LDOC1: variants seen among roughly 807,000 people sequenced by gnomAD.
The protein encoded by LDOC1 is protein LDOC1.
Under a neutral mutation model 4.9 loss-of-function variants are expected in LDOC1, and 1 was observed. That is an observed-to-expected ratio of 0.20 (90% confidence interval 0.07 to 0.96). The LOEUF (loss-of-function observed/expected upper bound fraction) is 0.96, where lower values mean the gene tolerates loss of function less well. Ranked by LOEUF, LDOC1 falls within the 40% of genes least tolerant of loss-of-function variation. The pLI, the probability that LDOC1 is intolerant of heterozygous loss-of-function variation, is 0.62. For missense variants in LDOC1, 76 were observed against 128.1 expected, an observed-to-expected ratio of 0.59 and a Z score of 1.96; for synonymous variants, 55 against 58.3, an observed-to-expected ratio of 0.94 and a Z score of 0.26.
rs373556856 is a variant in LDOC1, at chrX:141,176,559, C to A, written c.*22G>T. ...GTGGCGGCGTGCAGGGCCCTCCCCC[C>A]CGAGGCCCGAGGGTCGAGGGCCTAA... On this transcript the variant is annotated 3_prime_UTR_variant, in exon 1 of 1. Transcript: ENST00000370526. The A allele has an allele frequency of 5.9e-6, 7 of 1,183,423 alleles. No homozygotes were observed. The highest frequency in any genetic ancestry group is 8.0e-6 in the Non-Finnish European group (7 of 879,189).
chrX:141,176,158 T>G lies in LDOC1; in HGVS notation c.*423A>C. 6.0e-6 allele frequency: 1 copy of G among 166,109 alleles called. No homozygotes were observed. Among genetic ancestry groups the G allele is most frequent in the African/African-American group, 3.0e-5 (1 of 33,740 alleles). The allele number at this position is 166,109 out of a possible 1,213,427, so 13.7% of individuals were successfully genotyped here. On this transcript the variant is annotated 3_prime_UTR_variant, in exon 1 of 1. Transcript: ENST00000370526. ...TAGTCTGTAGGTGGGATGTGGTGAG[T>G]GGATGTGAAGTGGCAGCATAGTTCT...
Position 141,176,355 on chromosome X carries a change from G to C in LDOC1, c.*226C>G, listed in dbSNP as rs918629607. On this transcript the variant is annotated 3_prime_UTR_variant, in exon 1 of 1. Transcript: ENST00000370526. ...GTAGATGACACTTCCAAGCACTTCC[G>C]AGTGAGTGAGGCTCCAGCCCCGACC... is the stretch of plus-strand genomic sequence containing the variant. The C allele has an allele frequency of 7.7e-5, 35 of 451,883 alleles. No individual in the cohort carries two copies. The highest frequency in any genetic ancestry group is 3.0e-5 in the Non-Finnish European group (8 of 266,384). 37.2% of individuals were successfully genotyped at this position (451,883 alleles called of 1,213,427 possible).
chrX:141,175,140 A>T lies in LDOC1; in HGVS notation c.*1441T>A, dbSNP rs1483672585. On this transcript the variant is annotated 3_prime_UTR_variant, in exon 1 of 1. Coordinates refer to ENST00000370526, the MANE Select transcript of LDOC1 (RefSeq NM_012317.4). ...TTCCATAGGGAGGAATCTGGGACAC[A>T]TCTATGAGTGGGAATTCTAAGGATG... Among the ~76,000 whole-genome samples, 1 of 112,139 alleles carries T rather than the reference A, an allele frequency of 8.9e-6. No individual in the cohort carries two copies. Among genetic ancestry groups the T allele is most frequent in the Non-Finnish European group, 1.9e-5 (1 of 53,263 alleles).
Position 141,176,823 on chromosome X carries a change from A to G in LDOC1, c.199T>C (p.Phe67Leu). The G allele has an allele frequency of 8.3e-7, 1 of 1,211,073 alleles. No homozygotes were observed. Among genetic ancestry groups the G allele is most frequent in the Non-Finnish European group, 1.1e-6 (1 of 895,344 alleles). ...ATGTAAGACGCCGTCTGCACGATAA[A>G]CTCGGGGAGCCGGGAGCTCTCGCCA... ...FNGESSRLPEFIVQTASYMLV... is the reference protein window; with the variant it reads ...FNGESSRLPELIVQTASYMLV... Residue 67 changes from phenylalanine (F) to leucine (L), a missense_variant, in exon 1 of 1, where the codon TTT becomes CTT. Physicochemically the swap from Phe to Leu is conservative, Grantham distance 22. Transcript: ENST00000370526.
Position 141,176,149 on chromosome X carries a change from T to G in LDOC1, c.*432A>C. The G allele has an allele frequency of 6.2e-6, 1 of 160,366 alleles. No individual in the cohort carries two copies. The highest frequency in any genetic ancestry group is 1.2e-5 in the Non-Finnish European group (1 of 82,789). 13.2% of individuals were successfully genotyped at this position (160,366 alleles called of 1,213,427 possible). On this transcript the variant is annotated 3_prime_UTR_variant, in exon 1 of 1. Coordinates refer to ENST00000370526, the MANE Select transcript of LDOC1 (RefSeq NM_012317.4). The stretch of plus-strand genomic sequence containing the variant: ...GAAAGGTGGTAGTCTGTAGGTGGGA[T>G]GTGGTGAGTGGATGTGAAGTGGCAG...
rs1556282807 is a variant in LDOC1, at chrX:141,174,544, C to T, written c.*2037G>A. ...GACATTTTCCTACTAAAGCCAGGCT[C>T]AGAGTCAGAGACTTGCTTTCTGAGA... On this transcript the variant is annotated 3_prime_UTR_variant, in exon 1 of 1. Transcript: ENST00000370526. Among the ~76,000 whole-genome samples the T allele has an allele frequency of 8.9e-6, 1 of 112,103 alleles. No individual in the cohort carries two copies.
chrX:141,176,773 G>A lies in LDOC1; in HGVS notation c.249C>T (p.Cys83=). The A allele has an allele frequency of 3.3e-6, 4 of 1,212,147 alleles. No homozygotes were observed. The highest frequency in any genetic ancestry group is 4.5e-6 in the Non-Finnish European group (4 of 895,587). The change falls in exon 1 of 1, where the codon TGC becomes TGT. Residue 83 remains cysteine, a synonymous_variant. Transcript: ENST00000370526. ...GGAATGCCACCTTCATGGCGTCGTTGCAGAATCGGTTCTCGTTCACGAGCA... is the reference window on the plus strand; with the variant it reads ...GGAATGCCACCTTCATGGCGTCGTTACAGAATCGGTTCTCGTTCACGAGCA... ...SYMLVNENRF[C]NDAMKVAFLI...
Position 141,176,419 on chromosome X carries a change from G to A in LDOC1, c.*162C>T. The A allele has an allele frequency of 1.5e-6, 1 of 658,377 alleles. No homozygotes were observed. The highest frequency in any genetic ancestry group is 2.2e-6 in the Non-Finnish European group (1 of 449,748). 54.3% of individuals were successfully genotyped at this position (658,377 alleles called of 1,213,427 possible). On this transcript the variant is annotated 3_prime_UTR_variant, in exon 1 of 1. Coordinates refer to ENST00000370526, the MANE Select transcript of LDOC1 (RefSeq NM_012317.4). ...ACTGGAGCGCTATTCCTGGAACAAA[G>A]ACAAGCACTACGGAGAAATGAAGAG...
At position 141,176,492 on chromosome X, in the gene LDOC1, G is replaced by C. The variant is rs986018679; in HGVS notation, c.*89C>G. On this transcript the variant is annotated 3_prime_UTR_variant, in exon 1 of 1. Coordinates refer to ENST00000370526, the MANE Select transcript of LDOC1 (RefSeq NM_012317.4). ...GGTAAGGGGACCGGAGGGCAAGGGGGAGAGCAGTGGCTCCTGGCGGGGTGA... is the reference window on the plus strand; with the variant it reads ...GGTAAGGGGACCGGAGGGCAAGGGGCAGAGCAGTGGCTCCTGGCGGGGTGA... 7.3e-6 allele frequency: 8 copies of C among 1,100,255 alleles called. No homozygotes were observed. The highest frequency in any genetic ancestry group is 3.2e-4 in the Middle Eastern group (1 of 3,138). 90.7% of individuals were successfully genotyped at this position (1,100,255 alleles called of 1,213,427 possible).
In LDOC1 at chrX:141,175,141, T is replaced by C. The variant is rs1556282937; in HGVS notation, c.*1440A>G. ...TCCATAGGGAGGAATCTGGGACACA[T>C]CTATGAGTGGGAATTCTAAGGATGT... On this transcript the variant is annotated 3_prime_UTR_variant, in exon 1 of 1. Transcript: ENST00000370526. Among the ~76,000 whole-genome samples, 1 of 111,902 alleles carries C rather than the reference T, an allele frequency of 8.9e-6. No homozygotes were observed. Among genetic ancestry groups the C allele is most frequent in the African/African-American group, 3.2e-5 (1 of 30,793 alleles).
rs2013606438 is a variant in LDOC1, at chrX:141,175,514, C to G, written c.*1067G>C. On this transcript the variant is annotated 3_prime_UTR_variant, in exon 1 of 1. Coordinates refer to ENST00000370526, the MANE Select transcript of LDOC1 (RefSeq NM_012317.4). ...TCTGCTCAGCCAACCCTTAACCACG[C>G]CACCCTGGAGGACCCAGAGAACACA... 8.9e-6 allele frequency among the ~76,000 whole-genome samples: 1 copy of G among 112,084 alleles called. No individual in the cohort carries two copies. Among genetic ancestry groups the G allele is most frequent in the African/African-American group, 3.3e-5 (1 of 30,769 alleles).
In LDOC1 at chrX:141,176,556, C is replaced by A. The variant is rs1556283437; in HGVS notation, c.*25G>T. 8.5e-7 allele frequency: 1 copy of A among 1,179,381 alleles called. No homozygotes were observed. The highest frequency in any genetic ancestry group is 1.9e-5 in the South Asian group (1 of 53,771). On this transcript the variant is annotated 3_prime_UTR_variant, in exon 1 of 1. Coordinates refer to ENST00000370526, the MANE Select transcript of LDOC1 (RefSeq NM_012317.4). ...GGGGTGGCGGCGTGCAGGGCCCTCC[C>A]CCCCGAGGCCCGAGGGTCGAGGGCC...
At position 141,176,321 on chromosome X, in the gene LDOC1, A is replaced by C; in HGVS notation, c.*260T>G. The C allele has an allele frequency of 2.8e-5, 11 of 398,563 alleles. No homozygotes were observed. The highest frequency in any genetic ancestry group is 8.4e-5 in the Admixed American group (2 of 23,704). The allele number at this position is 398,563 out of a possible 1,213,427, so 32.8% of individuals were successfully genotyped here. A position where few individuals can be genotyped will look rare whatever the true frequency, so the allele number is the denominator to read the frequency against. ...GATTAGCAGGGGAGGGATCCCGGGG[A>C]TGGCCAGGGTAGATGACACTTCCAA... On this transcript the variant is annotated 3_prime_UTR_variant, in exon 1 of 1. Coordinates refer to ENST00000370526, the MANE Select transcript of LDOC1 (RefSeq NM_012317.4).
chrX:141,175,589 C>G lies in LDOC1; in HGVS notation c.*992G>C, dbSNP rs149189294. ...GCGTTGGTGAAGGGAGCATCAGAAC[C>G]CTGACAAAGCCCTGAGGTAGCTGTC... is the stretch of plus-strand genomic sequence containing the variant. On this transcript the variant is annotated 3_prime_UTR_variant, in exon 1 of 1. Transcript: ENST00000370526. 7.2e-3 allele frequency among the ~76,000 whole-genome samples: 805 copies of G among 111,740 alleles called. 10 individuals are homozygous for G. Among genetic ancestry groups the G allele is most frequent in the African/African-American group, 0.025 (774 of 30,714 alleles).
rs782712898 is a variant in LDOC1 at position 141,177,058 on chromosome X, C to T, written c.-37G>A. 6 of 1,168,636 alleles carry T rather than the reference C, an allele frequency of 5.1e-6. No homozygotes were observed. The highest frequency in any genetic ancestry group is 6.9e-6 in the Non-Finnish European group (6 of 872,819). Reference sequence around the variant, plus strand: ...TGGAAGGACAGGACTCGGCTCGGTTCGGCTCGGCCAAGGTGCGCACGGAGC... The same window carrying T: ...TGGAAGGACAGGACTCGGCTCGGTTTGGCTCGGCCAAGGTGCGCACGGAGC... On this transcript the variant is annotated 5_prime_UTR_variant, in exon 1 of 1. Coordinates refer to ENST00000370526, the MANE Select transcript of LDOC1 (RefSeq NM_012317.4).
Position 141,176,816 on chromosome X carries a change from A to C in LDOC1, c.206T>G (p.Val69Gly). The C allele has an allele frequency of 8.3e-7, 1 of 1,211,940 alleles. No homozygotes were observed. The highest frequency in any genetic ancestry group is 1.1e-6 in the Non-Finnish European group (1 of 895,517). Residue 69 changes from valine (V) to glycine (G), a missense_variant, in exon 1 of 1, where the codon GTG becomes GGG. Physicochemically the swap from Val to Gly is moderately radical, Grantham distance 109. Transcript: ENST00000370526. ...CACGAGCATGTAAGACGCCGTCTGCACGATAAACTCGGGGAGCCGGGAGCT... is the reference window on the plus strand; with the variant it reads ...CACGAGCATGTAAGACGCCGTCTGCCCGATAAACTCGGGGAGCCGGGAGCT... ...GESSRLPEFI[V>G]QTASYMLVNE...
chrX:141,176,780 C>T lies in LDOC1; in HGVS notation c.242G>A (p.Arg81Gln). The T allele has an allele frequency of 1.7e-6, 2 of 1,212,088 alleles. No individual in the cohort carries two copies. Among genetic ancestry groups the T allele is most frequent in the Non-Finnish European group, 2.2e-6 (2 of 895,599 alleles). The change falls in exon 1 of 1, where the codon CGA (arginine) becomes CAA (glutamine). Residue 81 changes from arginine to glutamine, a missense_variant. Physicochemically the swap from Arg to Gln is conservative, Grantham distance 43 (BLOSUM62 1). Transcript: ENST00000370526. ...TASYMLVNEN[R>Q]FCNDAMKVAF... ...CACCTTCATGGCGTCGTTGCAGAATCGGTTCTCGTTCACGAGCATGTAAGA... is the reference window on the plus strand; with the variant it reads ...CACCTTCATGGCGTCGTTGCAGAATTGGTTCTCGTTCACGAGCATGTAAGA...
rs782375698 is a variant in LDOC1, at chrX:141,174,966, C to G, written c.*1615G>C. Among the ~76,000 whole-genome samples, 16 of 111,574 alleles carry G rather than the reference C, an allele frequency of 1.4e-4. No individual in the cohort carries two copies. In the South Asian group the frequency reaches 6.1e-3, roughly 43 times the overall value. On this transcript the variant is annotated 3_prime_UTR_variant, in exon 1 of 1. Coordinates refer to ENST00000370526, the MANE Select transcript of LDOC1 (RefSeq NM_012317.4). ...GCATTAAACATTTCAATGACTTAAC[C>G]TGGAGCAATGGCCTCACACAGGTAT...
At position 141,175,509 on chromosome X, in the gene LDOC1, C is replaced by T. The variant is rs1331469512; in HGVS notation, c.*1072G>A. ...TGCCGTCTGCTCAGCCAACCCTTAA[C>T]CACGCCACCCTGGAGGACCCAGAGA... On this transcript the variant is annotated 3_prime_UTR_variant, in exon 1 of 1. Transcript: ENST00000370526. Among the ~76,000 whole-genome samples, 2 of 112,081 alleles carry T rather than the reference C, an allele frequency of 1.8e-5. No individual in the cohort carries two copies. Among genetic ancestry groups the T allele is most frequent in the African/African-American group, 6.5e-5 (2 of 30,771 alleles).
Sources: allele counts gnomAD v4.1 joint callset (sites outside exome capture counted in the v4.1 genomes callset), GRCh38; gene constraint gnomAD v4.1.1; transcripts MANE v1.5; gene names NCBI Gene and HGNC (gene_info 2026-07-23, HGNC 2026-07-21).